The following IL17B variants were observed in gnomAD, a reference collection of about 807,000 sequenced individuals.
IL17B encodes the protein interleukin-17B.
In IL17B, 14 loss-of-function variants were observed where a neutral mutation model predicts 14.7. The ratio of observed to expected loss-of-function variants is 0.95; its 90% CI spans 0.63 to 1.49. IL17B has a LOEUF of 1.49. Among genes scored for constraint, IL17B ranks in the 40% most tolerant of loss-of-function variants. The pLI, the probability that IL17B is intolerant of heterozygous loss-of-function variation, is 0.00. For missense variants in IL17B, 233 were observed against 252.8 expected, an observed-to-expected ratio of 0.92 and a Z score of 0.53; for synonymous variants, 105 against 94.8, an observed-to-expected ratio of 1.11 and a Z score of -0.62.
chr5:149,403,215 G>C (rs778143352), intron 1 of IL17B, among the ~76,000 whole-genome samples: 3 of 151,940 alleles, frequency 2.0e-5, no homozygotes, highest in Non-Finnish European at 2.9e-5. Flanking sequence ...CTCCCAAGGA[G>C]CTGGGATTAC....
Position 149,374,872 on chromosome 5 carries a change from C to T in IL17B, c.312-272G>A, listed in dbSNP as rs1348516735. The T allele has an allele frequency of 2.4e-6, 1 of 413,446 alleles. No individual in the cohort carries two copies. The highest frequency in any genetic ancestry group is 4.4e-6 in the Non-Finnish European group (1 of 226,370). The allele number at this position is 413,446 out of a possible 1,614,324, so 25.6% of individuals were successfully genotyped here. A position where few individuals can be genotyped will look rare whatever the true frequency, so the allele number is the denominator to read the frequency against. ...GTGCAGCCAGATGCCCATCCCAGTA[C>T]TAGGTTGCGCTGTGGGGATTGTGGA... is the stretch of plus-strand genomic sequence containing the variant. On this transcript the variant is annotated intron_variant, in intron 2 of 2. Transcript: ENST00000261796. The surrounding 1 kb of genome is among the most constrained non-coding windows in gnomAD (Gnocchi z 5.0).
intron 1 of IL17B, among the ~76,000 whole-genome samples, chr5:149,392,423 G>A (rs1026238859): frequency 2.0e-5 from 3 of 152,248 alleles, no homozygotes; most frequent in African/African-American, 7.2e-5. Context: ...GCTGTAGAAT[G>A]ATACACTCCA....
intron 1 of IL17B, among the ~76,000 whole-genome samples, chr5:149,401,400 T>A (rs569963988): frequency 6.6e-6 from 1 of 152,264 alleles, no homozygotes; most frequent in South Asian, 2.1e-4. Context: ...TCTCGTGGTA[T>A]GCCTTTTTAA....
intron 1 of IL17B, among the ~76,000 whole-genome samples, chr5:149,391,162 T>C (rs555619727): frequency 1.6e-3 from 237 of 152,308 alleles, no homozygotes; most frequent in African/African-American, 5.4e-3. Context: ...GATGGGATTT[T>C]ACCATGTTGG....
rs1368174581 is a variant in IL17B at position 149,379,222 on chromosome 5, C to G, written c.4G>C (p.Asp2His). 1 of 1,613,832 alleles carries G rather than the reference C, an allele frequency of 6.2e-7. No homozygotes were observed. Among genetic ancestry groups the G allele is most frequent in the African/African-American group, 1.3e-5 (1 of 74,920 alleles). ...CCACGTACCAGGTTGTGAGGCCAGT[C>G]CATTCCGCCAAGCTGCAAGGTCAGC... M[D>H]WPHNLLFLLT... Residue 2 changes from aspartate to histidine, a missense_variant, in exon 1 of 3, where the codon GAC (aspartate) becomes CAC (histidine). Transcript: ENST00000261796.
At chr5:149,401,774 A>G (rs981100074) in intron 1 of IL17B, among the ~76,000 whole-genome samples, 15 of 152,318 alleles carry the variant, frequency 9.8e-5, no homozygotes, top group African/African-American at 3.4e-4. Flanking sequence ...AATAAATGTG[A>G]TAATTGCCTA....
chr5:149,400,055 G>A (rs1332942442), intron 1 of IL17B, among the ~76,000 whole-genome samples: 1 of 152,136 alleles, frequency 6.6e-6, no homozygotes, highest in Non-Finnish European at 1.5e-5. Context: ...GTTTAGGGTT[G>A]AACTATGTCC....
intron 1 of IL17B, among the ~76,000 whole-genome samples, chr5:149,402,413 C>T (rs528596950): frequency 4.6e-5 from 7 of 152,142 alleles, no homozygotes; most frequent in East Asian, 1.9e-4. Context: ...TCTTCCCTGG[C>T]GATCAACATA....
At chr5:149,384,826 C>T (rs1758787953) in intron 1 of IL17B, among the ~76,000 whole-genome samples, 1 of 151,756 alleles carries the variant, frequency 6.6e-6, no homozygotes, top group South Asian at 2.1e-4. Context: ...TCTCTATCAG[C>T]AGAGAGCAGA....
chr5:149,391,704 G>T (rs1052428613), intron 1 of IL17B, among the ~76,000 whole-genome samples: 1 of 152,186 alleles, frequency 6.6e-6, no homozygotes. Context: ...TGGCAGGCCC[G>T]TCACTGAGCT....
At chr5:149,396,870 C>T (rs1484149336) in intron 1 of IL17B, among the ~76,000 whole-genome samples, 1 of 152,198 alleles carries the variant, frequency 6.6e-6, no homozygotes, top group Non-Finnish European at 1.5e-5. Context: ...CAGAAGGTCG[C>T]TGAACTGGTC....
intron 1 of IL17B, among the ~76,000 whole-genome samples, chr5:149,388,613 G>A (rs973718975): frequency 9.9e-5 from 15 of 152,168 alleles, no homozygotes; most frequent in African/African-American, 2.2e-4. Context: ...AAGCAGTATC[G>A]GTCAGTATAG....
intron 1 of IL17B, among the ~76,000 whole-genome samples, chr5:149,390,220 C>A (rs537389178): frequency 4.7e-5 from 7 of 147,814 alleles, no homozygotes; most frequent in African/African-American, 7.4e-5. Context: ...ATTAGTGACC[C>A]CCCCCCTCCC....
intron 2 of IL17B, among the ~76,000 whole-genome samples, chr5:149,375,623 A>T (rs1000128387): frequency 1.3e-5 from 2 of 152,204 alleles, no homozygotes; most frequent in African/African-American, 4.8e-5. Flanking sequence ...ATGGTGGCTT[A>T]CGCCTGTAAT....
chr5:149,404,031 CG>C (rs1759265237), intron 1 of IL17B: 1 of 152,096 alleles, frequency 6.6e-6, no homozygotes, highest in Non-Finnish European at 1.5e-5. Context: ...CAGGACTCAA[CG>C]ATGCAAACTC....
intron 1 of IL17B, among the ~76,000 whole-genome samples, chr5:149,400,647 G>A (rs576146858): frequency 6.6e-6 from 1 of 152,232 alleles, no homozygotes; most frequent in Non-Finnish European, 1.5e-5. Flanking sequence ...GAGCCAACGG[G>A]ATATATAGAG....
At chr5:149,400,840 C>G (rs1314194337) in intron 1 of IL17B, among the ~76,000 whole-genome samples, 1 of 152,160 alleles carries the variant, frequency 6.6e-6, no homozygotes, top group Admixed American at 6.6e-5. Flanking sequence ...GGAGCAAGAA[C>G]CAGGAGCTCT....
chr5:149,377,486 G>T (rs1758576753), intron 1 of IL17B, among the ~76,000 whole-genome samples: 1 of 152,206 alleles, frequency 6.6e-6, no homozygotes, highest in Non-Finnish European at 1.5e-5. Flanking sequence ...GCACGTGTCA[G>T]TTTCCACACA....
chr5:149,390,054 C>A (rs772040055), intron 1 of IL17B, among the ~76,000 whole-genome samples: 3 of 152,168 alleles, frequency 2.0e-5, no homozygotes, highest in Non-Finnish European at 4.4e-5. Context: ...AACCGAGTTG[C>A]TCCCAGTTGG....
Sources: gnomAD v4.1 joint callset for allele counts (sites outside exome capture counted in the v4.1 genomes callset) on GRCh38, gnomAD v4.1.1 for gene constraint, Gnocchi (gnomAD v3.1) non-coding constraint, MANE v1.5 for transcripts, NCBI Gene and HGNC (gene_info 2026-07-23, HGNC 2026-07-21) for gene names.